The following EDIL3 variants were observed in gnomAD, a reference collection of about 807,000 sequenced individuals.
EDIL3 encodes EGF-like repeat and discoidin I-like domain-containing protein 3.
In EDIL3, 37 loss-of-function variants were observed where a neutral mutation model predicts 67.4. That is an observed-to-expected ratio of 0.55 (90% CI 0.42 to 0.72). The LOEUF is 0.72. EDIL3 is among the 30% of genes least tolerant of loss of function. The probability of loss-of-function intolerance (pLI) is 0.00; values close to 1 mark genes in which losing one functional copy is unlikely to be tolerated. For missense variants in EDIL3, 527 were observed against 586.3 expected, an observed-to-expected ratio of 0.90 and a Z score of 1.04; for synonymous variants, 195 against 196.3, an observed-to-expected ratio of 0.99 and a Z score of 0.05.
At chr5:84,236,375 G>C (rs1039504269) in intron 2 of EDIL3, among the ~76,000 whole-genome samples, 1 of 152,004 alleles carries the variant, frequency 6.6e-6, no homozygotes, top group African/African-American at 2.4e-5. Context: ...TAGGTGATTT[G>C]ATATAATAAG....
intron 1 of EDIL3, among the ~76,000 whole-genome samples, chr5:84,362,995 T>C (rs920348862): frequency 6.6e-6 from 1 of 152,212 alleles, no homozygotes; most frequent in Non-Finnish European, 1.5e-5. Flanking sequence ...AATGCATTTA[T>C]TTTTTGATAG....
intron 2 of EDIL3, 42 bp from the exon 3 acceptor site, chr5:84,229,926 T>C: frequency 1.2e-5 from 18 of 1,488,938 alleles, no homozygotes; most frequent in Non-Finnish European, 1.6e-5. Context: ...GGGGTAGAAG[T>C]GAAGGGAGGG....
At chr5:84,346,135 CTT>C (rs912729041) in intron 1 of EDIL3, among the ~76,000 whole-genome samples, 14 of 122,900 alleles carry the variant, frequency 1.1e-4, no homozygotes, top group African/African-American at 3.4e-4. Flanking sequence ...CTTTTTTTTT[CTT>C]TTTTTTTTTT....
chr5:83,983,810 C>T (rs1452926353), intron 9 of EDIL3, among the ~76,000 whole-genome samples: 1 of 147,574 alleles, frequency 6.8e-6, no homozygotes, highest in East Asian at 2.0e-4. Flanking sequence ...ATGGAAGTGA[C>T]AGCCAATGGC....
chr5:84,009,136 A>T (rs1745475701), intron 9 of EDIL3, among the ~76,000 whole-genome samples: 1 of 152,164 alleles, frequency 6.6e-6, no homozygotes, highest in Admixed American at 6.6e-5. Context: ...TAAATACAGA[A>T]ATCTAAACTT....
At chr5:84,297,742 A>G (rs1440564342) in intron 1 of EDIL3, among the ~76,000 whole-genome samples, 1 of 152,222 alleles carries the variant, frequency 6.6e-6, no homozygotes, top group Non-Finnish European at 1.5e-5. Flanking sequence ...CATTAAGGAC[A>G]TGATTTACAG....
intron 9 of EDIL3, among the ~76,000 whole-genome samples, chr5:84,015,541 C>T (rs1199204544): frequency 6.6e-6 from 1 of 151,936 alleles, no homozygotes; most frequent in African/African-American, 2.4e-5. Flanking sequence ...TAGTTTTGTA[C>T]AAAAGTGCAT....
At chr5:84,105,380 T>C (rs146930360) in intron 6 of EDIL3, among the ~76,000 whole-genome samples, 94 of 152,140 alleles carry the variant, frequency 6.2e-4, no homozygotes, top group African/African-American at 2.1e-3. Context: ...TTATGAGACA[T>C]ATAAGAATGC....
chr5:84,002,039 T>A (rs1328309018), intron 9 of EDIL3, among the ~76,000 whole-genome samples: 1 of 151,980 alleles, frequency 6.6e-6, no homozygotes, highest in African/African-American at 2.4e-5. Context: ...CTTCAAAAAA[T>A]ATTAGCAAAA....
intron 1 of EDIL3, among the ~76,000 whole-genome samples, chr5:84,319,494 C>CAAA (rs55738450): frequency 5.1e-4 from 22 of 42,830 alleles, no homozygotes; most frequent in East Asian, 2.8e-3. Context: ...CAAAAAACAA[C>CAAA]AAAAAAAAAA....
At chr5:84,000,152 T>C (rs1745307221) in intron 9 of EDIL3, among the ~76,000 whole-genome samples, 3 of 152,156 alleles carry the variant, frequency 2.0e-5, no homozygotes, top group Non-Finnish European at 4.4e-5. Flanking sequence ...ATGTTAAAAG[T>C]AGTTCTTCAA....
chr5:84,145,503 A>T (rs1748275892), intron 4 of EDIL3, among the ~76,000 whole-genome samples: 2 of 152,068 alleles, frequency 1.3e-5, no homozygotes, highest in African/African-American at 4.8e-5. Context: ...AGAAGGGTGG[A>T]AGGGGACATG....
chr5:84,374,106 T>C (rs1431853503), intron 1 of EDIL3, among the ~76,000 whole-genome samples: 1 of 151,756 alleles, frequency 6.6e-6, no homozygotes, highest in Non-Finnish European at 1.5e-5. Flanking sequence ...TATGTGCTAA[T>C]GGAAAGAAAG....
intron 8 of EDIL3, among the ~76,000 whole-genome samples, chr5:84,063,808 A>G (rs1162433590): frequency 6.6e-6 from 1 of 152,170 alleles, no homozygotes; most frequent in African/African-American, 2.4e-5. Context: ...TACACTAAAA[A>G]GCGGAGCACA....
At chr5:84,306,446 A>ATT (rs1380807532) in intron 1 of EDIL3, among the ~76,000 whole-genome samples, 1 of 152,188 alleles carries the variant, frequency 6.6e-6, no homozygotes, top group Non-Finnish European at 1.5e-5. Context: ...AATAATGATG[A>ATT]TTTTTTCCCA....
At chr5:84,021,868 G>C (rs1745722572) in intron 9 of EDIL3, among the ~76,000 whole-genome samples, 1 of 151,806 alleles carries the variant, frequency 6.6e-6, no homozygotes, top group African/African-American at 2.4e-5. Flanking sequence ...TAGAAAACCT[G>C]CACAGACCAA....
intron 9 of EDIL3, among the ~76,000 whole-genome samples, chr5:84,011,232 C>G (rs1165660020): frequency 6.6e-6 from 1 of 152,112 alleles, no homozygotes; most frequent in Admixed American, 6.6e-5. Context: ...GATCCTAGAC[C>G]TGCTCTTTCT....
chr5:83,957,987 A>G (rs1220054654), intron 10 of EDIL3, among the ~76,000 whole-genome samples: 1 of 151,584 alleles, frequency 6.6e-6, no homozygotes, highest in Non-Finnish European at 1.5e-5. Flanking sequence ...TTCAATTTAA[A>G]ATTTGTTTAA....
intron 10 of EDIL3, among the ~76,000 whole-genome samples, chr5:83,949,589 T>A (rs1345235431): frequency 6.6e-6 from 1 of 151,888 alleles, no homozygotes; most frequent in Non-Finnish European, 1.5e-5. Context: ...AATCTTGAGT[T>A]TGCTTGTGTG....
Sources: gnomAD v4.1 joint callset for allele counts (sites outside exome capture counted in the v4.1 genomes callset) on GRCh38, gnomAD v4.1.1 for gene constraint, MANE v1.5 for transcripts, NCBI Gene and HGNC (gene_info 2026-07-23, HGNC 2026-07-21) for gene names.